Variants in TLN2 observed in about 807,000 individuals in gnomAD.
TLN2 encodes talin 2.
A neutral mutation model predicts 294.7 loss-of-function variants in TLN2; 118 were observed. The ratio of observed to expected loss-of-function variants is 0.40; its 90% CI spans 0.34 to 0.47. The LOEUF is 0.47. Ranked by LOEUF, TLN2 falls within the 20% of genes least tolerant of loss-of-function variation. The probability of loss-of-function intolerance (pLI) is 0.84; values close to 1 mark genes in which losing one functional copy is unlikely to be tolerated. For synonymous variants in TLN2, 1,431 were observed against 1,304.5 expected (o/e 1.10, Z -2.09); for missense variants, 3,083 against 3,282.2 (o/e 0.94, Z 1.48).
intron 32 of TLN2, among the ~76,000 whole-genome samples, chr15:62,741,814 G>A (rs1167512133): frequency 7.2e-6 from 1 of 138,650 alleles, no homozygotes; most frequent in Non-Finnish European, 1.5e-5. Context: ...TTAAATTGTC[G>A]GCATCAAGAG....
chr15:62,574,785 A>C (rs1468748083), intron 1 of TLN2, among the ~76,000 whole-genome samples: 1 of 152,042 alleles, frequency 6.6e-6, no homozygotes, highest in Non-Finnish European at 1.5e-5. Flanking sequence ...TTTATAATTC[A>C]TGGCATTTTA....
intron 52 of TLN2, among the ~76,000 whole-genome samples, chr15:62,814,561 G>C (rs1004701392): frequency 6.6e-6 from 1 of 152,050 alleles, no homozygotes; most frequent in African/African-American, 2.4e-5. Flanking sequence ...GGATGTGAAT[G>C]AAATAGCATT....
At chr15:62,493,339 G>C (rs1362256073) in intron 1 of TLN2, among the ~76,000 whole-genome samples, 1 of 152,132 alleles carries the variant, frequency 6.6e-6, no homozygotes, top group East Asian at 1.9e-4. Flanking sequence ...CTGGGCCTCA[G>C]TTTCCTCACG....
At chr15:62,414,183 T>TAA (rs2033951159) in intron 1 of TLN2, among the ~76,000 whole-genome samples, 5 of 124,886 alleles carry the variant, frequency 4.0e-5, no homozygotes, top group African/African-American at 1.4e-4. Flanking sequence ...TATATATATA[T>TAA]ATATATATAA....
chr15:62,827,919 T>A (rs994626839), intron 54 of TLN2: 1 of 152,212 alleles, frequency 6.6e-6, no homozygotes, highest in East Asian at 1.9e-4. Flanking sequence ...AAGACCATGT[T>A]CTCAGAATCC....
Position 62,840,469 on chromosome 15 carries a change from G to T in TLN2, c.7501-13G>T. 1 of 1,613,930 alleles carries T rather than the reference G, an allele frequency of 6.2e-7. No homozygotes were observed. The highest frequency in any genetic ancestry group is 8.5e-7 in the Non-Finnish European group (1 of 1,179,922). ...AAGTGTTAGGTCCATCCAGCTTGTT[G>T]CTTTCTTTCTAGATCATCGCCGCCC... On this transcript the variant is annotated splice_polypyrimidine_tract_variant and intron_variant, in intron 58 of 58. Coordinates refer to ENST00000636159, the MANE Select transcript of TLN2 (RefSeq NM_015059.3).
chr15:62,664,835 G>A (rs1439284396), intron 9 of TLN2, among the ~76,000 whole-genome samples: 2 of 92,814 alleles, frequency 2.2e-5, no homozygotes, highest in African/African-American at 4.3e-5. Context: ...CTCCAGCCTG[G>A]GCAACAAGAG....
intron 1 of TLN2, among the ~76,000 whole-genome samples, chr15:62,530,414 G>C (rs2040979663): frequency 1.3e-5 from 2 of 152,122 alleles, no homozygotes; most frequent in Non-Finnish European, 2.9e-5. Context: ...CTGGAGTGCA[G>C]TGGCACAATC....
chr15:62,481,445 C>T (rs140636963), intron 1 of TLN2, among the ~76,000 whole-genome samples: 7 of 152,288 alleles, frequency 4.6e-5, no homozygotes, highest in Admixed American at 2.6e-4. Flanking sequence ...TCACTGCAGT[C>T]GCGAACTCTT....
At chr15:62,806,791 C>G (rs762382765) in intron 51 of TLN2, among the ~76,000 whole-genome samples, 2 of 152,184 alleles carry the variant, frequency 1.3e-5, no homozygotes, top group African/African-American at 4.8e-5. Context: ...AATTGATGAT[C>G]CGCTGCCATG....
intron 43 of TLN2, among the ~76,000 whole-genome samples, chr15:62,780,909 C>T (rs1410839613): frequency 6.6e-6 from 1 of 152,172 alleles, no homozygotes; most frequent in African/African-American, 2.4e-5. Flanking sequence ...CTCTGGAAGG[C>T]CTCCCACTCC....
Position 62,727,200 on chromosome 15 carries a change from C to G in TLN2, c.3358+11C>G. On this transcript the variant is annotated intron_variant, in intron 28 of 58. Transcript: ENST00000636159. ...ACGAACACTACACAGGTGAGACCCA[C>G]GCCCTTCATGCCACTGTGGCCAGCT... The G allele has an allele frequency of 5.6e-6, 9 of 1,609,568 alleles. No homozygotes were observed. The highest frequency in any genetic ancestry group is 7.6e-6 in the Non-Finnish European group (9 of 1,177,480).
rs573175326 is a variant in TLN2 at position 62,444,565 on chromosome 15, C to T, written c.-238+53880C>T. Among the ~76,000 whole-genome samples, 57 of 152,310 alleles carry T rather than the reference C, an allele frequency of 3.7e-4. 1 individual carries two copies. Among genetic ancestry groups the T allele is most frequent in the African/African-American group, 1.1e-3 (47 of 41,570 alleles). ...GTCCTTTTGCCTTTGTCTCCATTTC[C>T]GGCACCAGCACAAGGCTGTTAGTAA... On this transcript the variant is annotated intron_variant, in intron 1 of 58. Coordinates refer to ENST00000636159, the MANE Select transcript of TLN2 (RefSeq NM_015059.3).
intron 35 of TLN2, among the ~76,000 whole-genome samples, 188 bp downstream of exon 35, chr15:62,752,615 A>G (rs2061998670): frequency 6.6e-6 from 1 of 152,186 alleles, no homozygotes; most frequent in Non-Finnish European, 1.5e-5. Context: ...CAGAGCAGCC[A>G]TGGGCCAGGC....
Position 62,783,357 on chromosome 15 carries a change from G to A in TLN2, c.5617-414G>A, listed in dbSNP as rs763909485. Among the ~76,000 whole-genome samples the A allele has an allele frequency of 1.2e-4, 18 of 152,300 alleles. No individual in the cohort carries two copies. The Middle Eastern group carries it at 0.01, about 86-fold the overall frequency. On this transcript the variant is annotated intron_variant, in intron 44 of 58. Coordinates refer to ENST00000636159, the MANE Select transcript of TLN2 (RefSeq NM_015059.3). Reference sequence around the variant, plus strand: ...AAGCCTTGGCCCAGGGGTGAAAATCGCATAGGGCTTGTGCCTCCTGGGGGT... The same window carrying A: ...AAGCCTTGGCCCAGGGGTGAAAATCACATAGGGCTTGTGCCTCCTGGGGGT...
chr15:62,721,237 G>A (rs1193065891), intron 25 of TLN2, among the ~76,000 whole-genome samples: 1 of 152,210 alleles, frequency 6.6e-6, no homozygotes, highest in African/African-American at 2.4e-5. Context: ...TTATAACATT[G>A]CTCTTCCAGG....
intron 42 of TLN2, 33 bp from the exon 43 acceptor site, chr15:62,776,731 G>T (rs1232073774): frequency 1.4e-6 from 2 of 1,462,126 alleles, no homozygotes; most frequent in Non-Finnish European, 1.8e-6. Flanking sequence ...GCTCTCTTCT[G>T]CTTAAGGAAA....
At chr15:62,675,136 C>A in intron 10 of TLN2, 81 bp from the exon 11 acceptor site, 1 of 1,302,644 alleles carries the variant, frequency 7.7e-7, no homozygotes, top group South Asian at 1.3e-5. Context: ...TTATCTCCAC[C>A]ACATACAGTA....
At chr15:62,449,631 A>G (rs748444253) in intron 1 of TLN2, among the ~76,000 whole-genome samples, 3 of 152,016 alleles carry the variant, frequency 2.0e-5, no homozygotes, top group Non-Finnish European at 4.4e-5. Flanking sequence ...AAATAAAAAT[A>G]AAAATTGCTG....
Sources: gnomAD v4.1 joint callset for allele counts (sites outside exome capture counted in the v4.1 genomes callset) on GRCh38, gnomAD v4.1.1 for gene constraint, MANE v1.5 for transcripts, NCBI Gene and HGNC (gene_info 2026-07-23, HGNC 2026-07-21) for gene names.